The following MEGF6 variants were observed in gnomAD, a reference collection of about 807,000 sequenced individuals.
The protein encoded by MEGF6 is multiple EGF like domains 6.
A neutral mutation model predicts 207.1 loss-of-function variants in MEGF6; 184 were observed. That is an observed-to-expected ratio of 0.89 (90% CI 0.79 to 1.00). MEGF6 has a LOEUF of 1.00. MEGF6 is among the 50% of genes least tolerant of loss of function. The probability of loss-of-function intolerance (pLI) is 0.00; values close to 1 mark genes in which losing one functional copy is unlikely to be tolerated. For missense variants in MEGF6, 2,282 were observed against 2,202.9 expected, an observed-to-expected ratio of 1.04 and a Z score of -0.72; for synonymous variants, 1,038 against 910.0, an observed-to-expected ratio of 1.14 and a Z score of -2.53.
intron 4 of MEGF6, among the ~76,000 whole-genome samples, chr1:3,561,726 T>C (rs74048619): frequency 0.061 from 9,303 of 152,016 alleles, 492 homozygotes; most frequent in African/African-American, 0.14. Context: ...AAACACGGGG[T>C]GGGGTGGCGG....
intron 4 of MEGF6, among the ~76,000 whole-genome samples, chr1:3,539,529 G>A (rs1456200260): frequency 6.6e-6 from 1 of 152,134 alleles, no homozygotes; most frequent in Non-Finnish European, 1.5e-5. Flanking sequence ...CTTGGCCCGG[G>A]TCATGCAGGA....
At chr1:3,499,331 A>T (rs1000508238) in intron 23 of MEGF6, 65 bp from the exon 24 acceptor site, 1 of 1,532,992 alleles carries the variant, frequency 6.5e-7, no homozygotes, top group African/African-American at 1.4e-5. Context: ...GCAGCAGATC[A>T]CAGCCAGCTG....
At chr1:3,511,969 C>T (rs750584954) in intron 8 of MEGF6, 37 bp downstream of exon 8, 1 of 1,611,032 alleles carries the variant, frequency 6.2e-7, no homozygotes, top group Non-Finnish European at 8.5e-7. Flanking sequence ...CATGGCCATC[C>T]CGGGCACCTT....
chr1:3,575,442 G>A (rs1345976939), intron 4 of MEGF6, among the ~76,000 whole-genome samples: 1 of 152,182 alleles, frequency 6.6e-6, no homozygotes, highest in Non-Finnish European at 1.5e-5. Context: ...GGACCACTCT[G>A]GGAGACTCCA....
At chr1:3,525,701 C>A (rs986768932) in intron 4 of MEGF6, among the ~76,000 whole-genome samples, 2 of 152,222 alleles carry the variant, frequency 1.3e-5, no homozygotes, top group Admixed American at 6.5e-5. Context: ...AGCTGAGAGC[C>A]GGTGGTGCTC....
chr1:3,584,743 TC>T (rs1208589342), intron 3 of MEGF6, among the ~76,000 whole-genome samples: 1 of 152,136 alleles, frequency 6.6e-6, no homozygotes, highest in African/African-American at 2.4e-5. Flanking sequence ...CATTGAGCAG[TC>T]CCCAGGCCTG....
intron 4 of MEGF6, among the ~76,000 whole-genome samples, chr1:3,578,161 C>T (rs1371086271): frequency 6.6e-6 from 1 of 152,200 alleles, no homozygotes; most frequent in Non-Finnish European, 1.5e-5. Context: ...TCCTCGCCCT[C>T]CCCTAGGAAC....
Position 3,496,965 on chromosome 1 carries a change from G to A in MEGF6, c.3613+23C>T, listed in dbSNP as rs1640633242. 1.3e-6 allele frequency: 2 copies of A among 1,546,818 alleles called. 1 individual carries two copies. Among genetic ancestry groups the A allele is most frequent in the Non-Finnish European group, 1.7e-6 (2 of 1,146,060 alleles). ...CGCCAGGCAGCACTGCCGAGTCCCT[G>A]GGTGGGCACGGGCAGCACTCACGTT... is the stretch of plus-strand genomic sequence containing the variant. On this transcript the variant is annotated intron_variant, in intron 28 of 36. Transcript: ENST00000356575.
chr1:3,491,431 C>T (rs1640359882), intron 35 of MEGF6, among the ~76,000 whole-genome samples: 1 of 152,142 alleles, frequency 6.6e-6, no homozygotes, highest in Non-Finnish European at 1.5e-5. Flanking sequence ...TGTCCCTGCA[C>T]CAGCGCACAG....
intron 4 of MEGF6, among the ~76,000 whole-genome samples, chr1:3,532,645 G>A (rs779702239): frequency 8.5e-5 from 13 of 152,246 alleles, no homozygotes; most frequent in Non-Finnish European, 1.3e-4. Context: ...ATAGGTGAGC[G>A]GTGGGCACAA....
intron 4 of MEGF6, among the ~76,000 whole-genome samples, chr1:3,544,712 C>T: frequency 6.6e-6 from 1 of 152,214 alleles, no homozygotes; most frequent in East Asian, 1.9e-4. Flanking sequence ...GAGACCACAC[C>T]ATGCCCCACC....
At position 3,509,944 on chromosome 1, in the gene MEGF6, G is replaced by C. The variant is rs1198555161; in HGVS notation, c.1283C>G (p.Thr428Ser). The C allele has an allele frequency of 1.9e-6, 3 of 1,579,344 alleles. No homozygotes were observed. Among genetic ancestry groups the C allele is most frequent in the Non-Finnish European group, 2.6e-6 (3 of 1,166,940 alleles). ...GCACTGGAAGGAGCCGGCCAGGTTGGTGCAGTGGTGCTCGCAGCCGCCACG... is the reference window on the plus strand; with the variant it reads ...GCACTGGAAGGAGCCGGCCAGGTTGCTGCAGTGGTGCTCGCAGCCGCCACG... ...SSRGGCEHHC[T>S]NLAGSFQCSC... Residue 428 changes from threonine to serine, a missense_variant, in exon 11 of 37, where the codon ACC becomes AGC. Transcript: ENST00000356575.
intron 4 of MEGF6, among the ~76,000 whole-genome samples, chr1:3,563,848 C>T (rs992521441): frequency 6.8e-4 from 103 of 152,262 alleles, no homozygotes; most frequent in African/African-American, 2.4e-3. Context: ...GGTGTCTGCG[C>T]GTCTGGGGAG....
chr1:3,518,184 A>G (rs1352807947), intron 5 of MEGF6, among the ~76,000 whole-genome samples: 1 of 152,182 alleles, frequency 6.6e-6, no homozygotes, highest in Non-Finnish European at 1.5e-5. Context: ...AGGGTCTCTG[A>G]GAGGGAAGAG....
At chr1:3,557,404 C>T (rs1054398771) in intron 4 of MEGF6, among the ~76,000 whole-genome samples, 4 of 152,192 alleles carry the variant, frequency 2.6e-5, no homozygotes, top group African/African-American at 4.8e-5. Flanking sequence ...CCCTTGGCTC[C>T]CAGGGTGGCG....
At chr1:3,502,404 G>A (rs1640942524) in intron 17 of MEGF6, among the ~76,000 whole-genome samples, 1 of 151,844 alleles carries the variant, frequency 6.6e-6, no homozygotes, top group Non-Finnish European at 1.5e-5. Flanking sequence ...ACCTGGCGAT[G>A]CTGATCCAGT....
intron 5 of MEGF6, among the ~76,000 whole-genome samples, chr1:3,520,610 G>A (rs1257764202): frequency 1.3e-5 from 2 of 152,030 alleles, no homozygotes; most frequent in Non-Finnish European, 1.5e-5. Flanking sequence ...GGCACACCAG[G>A]ACTCGGCGGC....
chr1:3,611,488 C>T lies in MEGF6; in HGVS notation c.-220G>A. ...GCCGGGTCCACCCTGCAGGAACTCG[C>T]CCCGGCGCGTTGAGCACAGTGCCCC... On this transcript the variant is annotated 5_prime_UTR_variant, in exon 1 of 37. Transcript: ENST00000356575. 1 of 538,186 alleles carries T rather than the reference C, an allele frequency of 1.9e-6. No individual in the cohort carries two copies. The allele number at this position is 538,186 out of a possible 1,614,324, so 33.3% of individuals were successfully genotyped here.
chr1:3,497,149 G>A, intron 27 of MEGF6, 30 bp from the exon 28 acceptor site: 13 of 1,542,892 alleles, frequency 8.4e-6, no homozygotes, highest in African/African-American at 1.4e-5. Flanking sequence ...GTCGGTCCTG[G>A]CCCAGCCCCG....
Sources: gnomAD v4.1 joint callset for allele counts (sites outside exome capture counted in the v4.1 genomes callset) on GRCh38, gnomAD v4.1.1 for gene constraint, MANE v1.5 for transcripts, NCBI Gene and HGNC (gene_info 2026-07-23, HGNC 2026-07-21) for gene names.